The following PPIC variants were observed in gnomAD, a reference collection of about 807,000 sequenced individuals.
PPIC encodes peptidyl-prolyl cis-trans isomerase C.
Under a neutral mutation model 19.5 loss-of-function variants are expected in PPIC, and 19 were observed. The ratio of observed to expected loss-of-function variants is 0.98; its 90% CI spans 0.68 to 1.43. PPIC has a LOEUF of 1.43. Ranked by LOEUF, PPIC falls within the 40% of genes most tolerant of loss-of-function variation. The pLI is 0.00. For synonymous variants in PPIC, 107 were observed against 101.2 expected (o/e 1.06, Z -0.34); for missense variants, 268 against 268.6 (o/e 1.00, Z 0.02).
At chr5:123,035,541 C>A (rs1460927361) in intron 1 of PPIC, among the ~76,000 whole-genome samples, 1 of 152,194 alleles carries the variant, frequency 6.6e-6, no homozygotes, top group East Asian at 1.9e-4. Flanking sequence ...CAGGTGGCGT[C>A]TGCGGTCGAG....
In PPIC at chr5:123,023,930, T is replaced by C; in HGVS notation, c.584A>G (p.Asn195Ser). The C allele has an allele frequency of 6.2e-7, 1 of 1,614,122 alleles. No individual in the cohort carries two copies. The highest frequency in any genetic ancestry group is 8.5e-7 in the Non-Finnish European group (1 of 1,180,020). ...DRPLTNCSII[N>S]SGKIDVKTPF... ...CGTTTTCACGTCTATCTTGCCACTG[T>C]TGATGATCGAGCAGTTGGTGAGTGG... is the stretch of plus-strand genomic sequence containing the variant. The change falls in exon 5 of 5, where the codon AAC becomes AGC. Residue 195 changes from asparagine (N) to serine (S), a missense_variant. Asn to Ser is a conservative substitution (Grantham distance 46). Coordinates refer to ENST00000306442, the MANE Select transcript of PPIC (RefSeq NM_000943.5).
Position 123,036,650 on chromosome 5 carries a change from C to A in PPIC, c.-25G>T. 6.5e-7 allele frequency: 1 copy of A among 1,546,140 alleles called. No homozygotes were observed. The highest frequency in any genetic ancestry group is 8.8e-7 in the Non-Finnish European group (1 of 1,142,256). ...TGGTGAGCGGTGGCAGCGGCGCTAC[C>A]GGCACGGGCGCTACCGGCACGGGCG... On this transcript the variant is annotated 5_prime_UTR_variant, in exon 1 of 5. Transcript: ENST00000306442. The surrounding 1 kb of genome is among the most constrained non-coding windows in gnomAD (Gnocchi z 4.5).
intron 1 of PPIC, among the ~76,000 whole-genome samples, chr5:123,033,806 G>C (rs1762970739): frequency 6.6e-6 from 1 of 152,240 alleles, no homozygotes. Flanking sequence ...TAATGTGCTT[G>C]CAAGCTGTAA....
At chr5:123,031,873 T>A (rs1405795468) in intron 1 of PPIC, among the ~76,000 whole-genome samples, 2 of 152,210 alleles carry the variant, frequency 1.3e-5, no homozygotes, top group East Asian at 1.9e-4. Flanking sequence ...CTTGGCTCAC[T>A]GCAACCCCTG....
rs140964373 is a variant in PPIC, at chr5:123,030,072, C to T, written c.118-654G>A. On this transcript the variant is annotated intron_variant, in intron 1 of 4. Coordinates refer to ENST00000306442, the MANE Select transcript of PPIC (RefSeq NM_000943.5). ...AGCAAACATTAAGCGTGGGTCATCA[C>T]GCTGACAAAGCCGTCACCCTGTAAA... 7.2e-5 allele frequency among the ~76,000 whole-genome samples: 11 copies of T among 152,286 alleles called. No homozygotes were observed. In the East Asian group the frequency reaches 1.3e-3, roughly 19 times the overall value.
intron 1 of PPIC, among the ~76,000 whole-genome samples, chr5:123,030,047 A>G (rs1393377159): frequency 1.3e-5 from 2 of 152,228 alleles, no homozygotes; most frequent in Non-Finnish European, 2.9e-5. Flanking sequence ...TCCAAAGGAC[A>G]GCAAACATTA....
intron 1 of PPIC, among the ~76,000 whole-genome samples, chr5:123,032,050 G>T (rs528200740): frequency 6.6e-6 from 1 of 152,306 alleles, no homozygotes; most frequent in African/African-American, 2.4e-5. Flanking sequence ...GCCCATCTTG[G>T]CCTCCCAAAG....
intron 1 of PPIC, among the ~76,000 whole-genome samples, chr5:123,032,648 G>A (rs1036046760): frequency 1.3e-5 from 2 of 152,152 alleles, no homozygotes; most frequent in African/African-American, 2.4e-5. Context: ...ACCCAGTGCT[G>A]GGCCAGGGGT....
chr5:123,027,390 A>AG (rs2150188990), intron 3 of PPIC, among the ~76,000 whole-genome samples: 1 of 152,296 alleles, frequency 6.6e-6, no homozygotes, highest in Non-Finnish European at 1.5e-5. Flanking sequence ...GAAGGTAGTG[A>AG]GAAAAAAAAG....
At chr5:123,033,741 A>T (rs1762970205) in intron 1 of PPIC, among the ~76,000 whole-genome samples, 1 of 152,240 alleles carries the variant, frequency 6.6e-6, no homozygotes, top group Admixed American at 6.5e-5. Context: ...TGAGCTGTGG[A>T]CATTAGATAA....
chr5:123,025,323 C>T (rs1762835937), intron 4 of PPIC, among the ~76,000 whole-genome samples: 1 of 152,122 alleles, frequency 6.6e-6, no homozygotes, highest in African/African-American at 2.4e-5. Context: ...CATCCCCAGC[C>T]CCTGGCAACT....
intron 1 of PPIC, among the ~76,000 whole-genome samples, chr5:123,030,378 G>A (rs1015834378): frequency 3.9e-5 from 6 of 152,126 alleles, no homozygotes; most frequent in Non-Finnish European, 5.9e-5. Flanking sequence ...CTATTAGCGC[G>A]TTTAGATTAT....
chr5:123,024,500 A>G (rs1373692022), intron 4 of PPIC, among the ~76,000 whole-genome samples: 19 of 152,192 alleles, frequency 1.2e-4, no homozygotes. Context: ...CCATTAACCT[A>G]TAAGTTGAGC....
At chr5:123,031,441 C>G (rs1182058249) in intron 1 of PPIC, among the ~76,000 whole-genome samples, 1 of 152,130 alleles carries the variant, frequency 6.6e-6, no homozygotes. Flanking sequence ...TGGGGGTGAG[C>G]CTTGCCTGGC....
At chr5:123,035,960 G>A (rs991106425) in intron 1 of PPIC, among the ~76,000 whole-genome samples, 6 of 152,046 alleles carry the variant, frequency 3.9e-5, no homozygotes, top group African/African-American at 1.4e-4. Context: ...CGGGAAGGAC[G>A]ACGGTTCCCC....
At chr5:123,034,010 G>T (rs1053713833) in intron 1 of PPIC, among the ~76,000 whole-genome samples, 3 of 152,238 alleles carry the variant, frequency 2.0e-5, no homozygotes, top group Non-Finnish European at 4.4e-5. Context: ...CCCAGCAGCA[G>T]GATCTGTGGA....
rs549922172 is a variant in PPIC at position 123,036,204 on chromosome 5, C to G, written c.117+305G>C. ...TCTCTTTCCTGGAGAACGGGCCCGC[C>G]GGTTCCGGAAGCCTCTCCTACCCCC... On this transcript the variant is annotated intron_variant, in intron 1 of 4. Coordinates refer to ENST00000306442, the MANE Select transcript of PPIC (RefSeq NM_000943.5). The surrounding 1 kb of genome is among the most constrained non-coding windows in gnomAD (Gnocchi z 4.5). The G allele has an allele frequency of 4.7e-6, 2 of 423,870 alleles. No homozygotes were observed. The highest frequency in any genetic ancestry group is 5.5e-5 in the East Asian group (1 of 18,300). 26.3% of individuals were successfully genotyped at this position (423,870 alleles called of 1,614,324 possible). A position where few individuals can be genotyped will look rare whatever the true frequency, so the allele number is the denominator to read the frequency against.
chr5:123,031,387 G>A (rs1443312362), intron 1 of PPIC, among the ~76,000 whole-genome samples: 1 of 152,214 alleles, frequency 6.6e-6, no homozygotes, highest in Non-Finnish European at 1.5e-5. Context: ...AGGCTTGAAG[G>A]GAGGCAGGCC....
chr5:123,028,649 A>G lies in PPIC; in HGVS notation c.325+126T>C, dbSNP rs1046731073. ...GAGTCCCCAAAACTCCATCCTTCTC[A>G]AAGAGGTACAGTCGTCTTTACAACT... On this transcript the variant is annotated intron_variant, in intron 3 of 4. Coordinates refer to ENST00000306442, the MANE Select transcript of PPIC (RefSeq NM_000943.5). 22 of 688,632 alleles carry G rather than the reference A, an allele frequency of 3.2e-5. No individual in the cohort carries two copies. In the East Asian group the frequency reaches 6.1e-4, roughly 19 times the overall value. 42.7% of individuals were successfully genotyped at this position (688,632 alleles called of 1,614,324 possible).
Sources: gnomAD v4.1 joint callset for allele counts (sites outside exome capture counted in the v4.1 genomes callset) on GRCh38, gnomAD v4.1.1 for gene constraint, Gnocchi (gnomAD v3.1) non-coding constraint, MANE v1.5 for transcripts, NCBI Gene and HGNC (gene_info 2026-07-23, HGNC 2026-07-21) for gene names.